Variants in GLRA3 observed in about 807,000 individuals in gnomAD.
The protein encoded by GLRA3 is glycine receptor subunit alpha-3.
In GLRA3, 44 loss-of-function variants were observed where a neutral mutation model predicts 60.4. The ratio of observed to expected loss-of-function variants is 0.73; its 90% CI spans 0.57 to 0.94. GLRA3 has a LOEUF of 0.94. Among genes scored for constraint, GLRA3 ranks in the 40% least tolerant of loss-of-function variants. GLRA3 has a pLI of 0.00. For missense variants in GLRA3, 508 were observed against 564.6 expected, an observed-to-expected ratio of 0.90 and a Z score of 1.02; for synonymous variants, 223 against 192.9, an observed-to-expected ratio of 1.16 and a Z score of -1.29.
intron 3 of GLRA3, among the ~76,000 whole-genome samples, chr4:174,737,792 G>T (rs796536141): frequency 6.6e-6 from 1 of 152,140 alleles, no homozygotes; most frequent in East Asian, 1.9e-4. Context: ...GATTACAGGC[G>T]TGAGCCACGG....
chr4:174,675,352 C>T (rs1357398752), intron 7 of GLRA3, among the ~76,000 whole-genome samples: 2 of 152,038 alleles, frequency 1.3e-5, no homozygotes, highest in African/African-American at 4.8e-5. Flanking sequence ...AGTTGTGCCT[C>T]CATTCTGTGT....
chr4:174,665,460 T>C (rs1197410073), intron 7 of GLRA3, among the ~76,000 whole-genome samples: 2 of 152,120 alleles, frequency 1.3e-5, no homozygotes, highest in Non-Finnish European at 2.9e-5. Flanking sequence ...TCCTGTAAGA[T>C]GTCTGCTGGC....
intron 9 of GLRA3, among the ~76,000 whole-genome samples, chr4:174,656,099 C>A (rs950864830): frequency 1.3e-5 from 2 of 152,042 alleles, no homozygotes; most frequent in Non-Finnish European, 2.9e-5. Flanking sequence ...TATGAACCCC[C>A]AAGTTAAACC....
intron 4 of GLRA3, among the ~76,000 whole-genome samples, chr4:174,718,953 T>C (rs1191060562): frequency 7.0e-6 from 1 of 141,936 alleles, no homozygotes; most frequent in African/African-American, 2.6e-5. Context: ...AGTTCTAGAT[T>C]TCGTGCTTTT....
rs1485089985 is a variant in GLRA3 at position 174,706,088 on chromosome 4, G to A, written c.574+9400C>T. Among the ~76,000 whole-genome samples the A allele has an allele frequency of 3.9e-5, 6 of 152,054 alleles. No individual in the cohort carries two copies. In the South Asian group the frequency reaches 8.3e-4, roughly 21 times the overall value. ...ACTAAAAAATACAAAAAATTAGCCG[G>A]GCGTGGTGGCGGGCACCTGTAGTCC... On this transcript the variant is annotated intron_variant, in intron 5 of 9. Coordinates refer to ENST00000274093, the MANE Select transcript of GLRA3 (RefSeq NM_006529.4).
At chr4:174,668,868 A>C (rs1322129068) in intron 7 of GLRA3, among the ~76,000 whole-genome samples, 1 of 152,134 alleles carries the variant, frequency 6.6e-6, no homozygotes, top group African/African-American at 2.4e-5. Context: ...TATGCTTTTG[A>C]TGAGCTAAAA....
chr4:174,740,178 T>C (rs1736960884), intron 3 of GLRA3, among the ~76,000 whole-genome samples: 1 of 152,124 alleles, frequency 6.6e-6, no homozygotes, highest in East Asian at 1.9e-4. Context: ...CTGGGGTCTT[T>C]AGGAAGGGGT....
intron 2 of GLRA3, among the ~76,000 whole-genome samples, chr4:174,767,955 T>C (rs1162286166): frequency 6.6e-6 from 1 of 152,168 alleles, no homozygotes; most frequent in Non-Finnish European, 1.5e-5. Context: ...CCAACTAGTG[T>C]CACAGCCTTA....
intron 1 of GLRA3, among the ~76,000 whole-genome samples, chr4:174,823,798 C>CATT (rs1740846805): frequency 1.3e-5 from 2 of 152,066 alleles, no homozygotes; most frequent in Non-Finnish European, 2.9e-5. Context: ...TGTTAAGGTC[C>CATT]TCTTGATAAG....
At chr4:174,672,965 T>C (rs1733969596) in intron 7 of GLRA3, among the ~76,000 whole-genome samples, 1 of 152,058 alleles carries the variant, frequency 6.6e-6, no homozygotes. Flanking sequence ...ATATGCTATG[T>C]TCAAAAGTCT....
rs1733342378 is a variant in GLRA3 at position 174,659,292 on chromosome 4, T to C, written c.928-95A>G. 3 of 855,656 alleles carry C rather than the reference T, an allele frequency of 3.5e-6. No homozygotes were observed. The South Asian group carries it at 5.2e-5, about 15-fold the overall frequency. 53.0% of individuals were successfully genotyped at this position (855,656 alleles called of 1,614,324 possible). On this transcript the variant is annotated intron_variant, in intron 7 of 9. Transcript: ENST00000274093. ...GTTTTTCTGATTCTGAATTATGTCA[T>C]TTATACATAAGTTTTAAAAAATAAA... is the stretch of plus-strand genomic sequence containing the variant.
chr4:174,696,292 AGTTCT>A lies in GLRA3; in HGVS notation c.575-13358_575-13354del, dbSNP rs1735050322. 2.0e-5 allele frequency among the ~76,000 whole-genome samples: 3 copies of A among 151,844 alleles called. No individual in the cohort carries two copies. The South Asian group carries it at 6.2e-4, about 32-fold the overall frequency. The stretch of plus-strand genomic sequence containing the variant: ...ATATAAACATAATTTGTGCTATACA[AGTTCT>A]GGATTAAAGTAAATGATAATATTTT... On this transcript the variant is annotated intron_variant, in intron 5 of 9. Transcript: ENST00000274093.
At chr4:174,687,806 A>T (rs943735428) in intron 5 of GLRA3, among the ~76,000 whole-genome samples, 2 of 152,184 alleles carry the variant, frequency 1.3e-5, no homozygotes, top group African/African-American at 4.8e-5. Context: ...TAAATAACTC[A>T]TCAATCTGAT....
At chr4:174,739,866 A>C (rs1291177320) in intron 3 of GLRA3, among the ~76,000 whole-genome samples, 2 of 152,160 alleles carry the variant, frequency 1.3e-5, no homozygotes, top group African/African-American at 4.8e-5. Flanking sequence ...GGCCTTAATA[A>C]TGTAACTGGA....
intron 2 of GLRA3, among the ~76,000 whole-genome samples, chr4:174,786,342 G>T (rs901295482): frequency 6.6e-6 from 1 of 151,870 alleles, no homozygotes; most frequent in African/African-American, 2.4e-5. Context: ...ATATTATCAG[G>T]AGAACAGGTT....
At chr4:174,819,636 C>A (rs1740655806) in intron 1 of GLRA3, among the ~76,000 whole-genome samples, 1 of 152,258 alleles carries the variant, frequency 6.6e-6, no homozygotes, top group East Asian at 1.9e-4. Flanking sequence ...GGTAGTTATT[C>A]ATAATTACAT....
chr4:174,651,519 T>A (rs1287215825), intron 9 of GLRA3, among the ~76,000 whole-genome samples: 1 of 152,050 alleles, frequency 6.6e-6, no homozygotes, highest in African/African-American at 2.4e-5. Context: ...CAAAGCACAA[T>A]AGGAAAGAAT....
At chr4:174,824,595 T>C (rs1230399905) in intron 1 of GLRA3, among the ~76,000 whole-genome samples, 1 of 152,202 alleles carries the variant, frequency 6.6e-6, no homozygotes, top group Non-Finnish European at 1.5e-5. Context: ...TCATGAACTG[T>C]AAATTCTTCA....
chr4:174,801,591 T>C (rs1243673500), intron 1 of GLRA3, among the ~76,000 whole-genome samples: 2 of 152,108 alleles, frequency 1.3e-5, no homozygotes, highest in Non-Finnish European at 2.9e-5. Context: ...TTCTAACTTT[T>C]ACATATCATA....
Sources: gnomAD v4.1 joint callset for allele counts (sites outside exome capture counted in the v4.1 genomes callset) on GRCh38, gnomAD v4.1.1 for gene constraint, MANE v1.5 for transcripts, NCBI Gene and HGNC (gene_info 2026-07-23, HGNC 2026-07-21) for gene names.